The following CEP290 variants were observed in gnomAD, a reference collection of about 807,000 sequenced individuals.
The protein encoded by CEP290 is centrosomal protein of 290 kDa.
CEP290 carries 317 observed loss-of-function variants against 344.9 expected under a neutral mutation model. The observed-to-expected ratio is 0.92, with a 90% CI of 0.84 to 1.01. The LOEUF is 1.01. Among genes scored for constraint, CEP290 ranks in the 50% least tolerant of loss-of-function variants. The pLI is 0.00. For synonymous variants in CEP290, 932 were observed against 895.8 expected (o/e 1.04, Z -0.72); for missense variants, 2,754 against 2,761.4 (o/e 1.00, Z 0.06).
At chr12:88,051,067 G>A (rs1011950401) in intron 52 of CEP290, among the ~76,000 whole-genome samples, 3 of 151,900 alleles carry the variant, frequency 2.0e-5, no homozygotes, top group African/African-American at 7.3e-5. Context: ...ATCTTTGCTA[G>A]ATATCTCTTT....
At chr12:88,108,197 T>C (rs1333928391) in intron 23 of CEP290, among the ~76,000 whole-genome samples, 1 of 152,214 alleles carries the variant, frequency 6.6e-6, no homozygotes, top group Non-Finnish European at 1.5e-5. Flanking sequence ...GTAATGTTCT[T>C]GGCATAAACC....
chr12:88,126,945 T>G (rs1014163670), intron 11 of CEP290, among the ~76,000 whole-genome samples: 2 of 152,074 alleles, frequency 1.3e-5, no homozygotes, highest in African/African-American at 4.8e-5. Flanking sequence ...AGATATTTTT[T>G]AAGAACTGGA....
At chr12:88,091,154 T>C (rs547758961) in intron 29 of CEP290, among the ~76,000 whole-genome samples, 85 of 152,168 alleles carry the variant, frequency 5.6e-4, no homozygotes, top group Admixed American at 1.2e-3. Context: ...CTATATAGTA[T>C]TTTCCAAATG....
intron 26 of CEP290, among the ~76,000 whole-genome samples, chr12:88,101,165 A>G (rs952823946): frequency 1.3e-5 from 2 of 152,082 alleles, no homozygotes; most frequent in African/African-American, 4.8e-5. Context: ...CACTGCCAAT[A>G]GGGATAGGTA....
intron 37 of CEP290, among the ~76,000 whole-genome samples, chr12:88,080,865 ATTCT>A (rs1350683934): frequency 6.6e-6 from 1 of 152,184 alleles, no homozygotes; most frequent in Non-Finnish European, 1.5e-5. Context: ...AAGAAGAATA[ATTCT>A]TTATTTCATT....
chr12:88,129,600 C>T (rs1239998050), intron 10 of CEP290, 94 bp downstream of exon 10: 6 of 704,614 alleles, frequency 8.5e-6, no homozygotes, highest in Non-Finnish European at 1.3e-5. Context: ...GACAAAAATT[C>T]ACATCCTAGA....
chr12:88,094,064 T>A, intron 27 of CEP290, 89 bp from the exon 28 acceptor site: 1 of 1,003,510 alleles, frequency 1.0e-6, no homozygotes, highest in Non-Finnish European at 1.4e-6. Context: ...GAAAGCATTA[T>A]AGTTCCATGG....
Position 88,130,433 on chromosome 12 carries a change from A to G in CEP290, c.517-13T>C. 6.2e-7 allele frequency: 1 copy of G among 1,602,298 alleles called. No homozygotes were observed. Among genetic ancestry groups the G allele is most frequent in the Non-Finnish European group, 8.5e-7 (1 of 1,176,720 alleles). On this transcript the variant is annotated splice_polypyrimidine_tract_variant and intron_variant, in intron 8 of 53. Coordinates refer to ENST00000552810, the MANE Select transcript of CEP290 (RefSeq NM_025114.4). The stretch of plus-strand genomic sequence containing the variant: ...AAAGTTGTTCATTCTGAAGGTAACC[A>G]AACACAACATTCAATTACAAAACTA...
intron 25 of CEP290, among the ~76,000 whole-genome samples, chr12:88,104,583 C>A (rs764411371): frequency 6.6e-6 from 1 of 151,396 alleles, no homozygotes; most frequent in African/African-American, 2.4e-5. Context: ...GGAAAAAAAT[C>A]CCTAAAATAA....
chr12:88,094,057 A>G, intron 27 of CEP290, 82 bp from the exon 28 acceptor site: 1 of 1,064,006 alleles, frequency 9.4e-7, no homozygotes. Context: ...TATATTAGAA[A>G]GCATTATAGT....
intron 22 of CEP290, among the ~76,000 whole-genome samples, chr12:88,109,835 T>G (rs1301591013): frequency 6.6e-6 from 1 of 152,124 alleles, no homozygotes; most frequent in East Asian, 1.9e-4. Context: ...TATACAAAGA[T>G]TAAAAATCAT....
rs2038675864 is a variant in CEP290, at chr12:88,111,346, G to T, written c.2223C>A (p.Asp741Glu). The change falls in exon 22 of 54, where the codon GAC (aspartate) becomes GAA (glutamate). Residue 741 changes from aspartate (D) to glutamate (E), a missense_variant. By Grantham distance (45) the Asp-to-Glu change is conservative (BLOSUM62 2). Transcript: ENST00000552810. ...QQLAKANLKIDHLEKETSLLR... is the reference protein window; with the variant it reads ...QQLAKANLKIEHLEKETSLLR... ...AAAGACTAGTTTCTTTTTCAAGATG[G>T]TCTATCTGGAAAAAAAAATCCAGCA... The T allele has an allele frequency of 6.4e-7, 1 of 1,560,204 alleles. No homozygotes were observed. The highest frequency in any genetic ancestry group is 1.4e-5 in the African/African-American group (1 of 73,098).
In CEP290 at chr12:88,110,532, G is replaced by A. The variant is rs943587518; in HGVS notation, c.2367+670C>T. 1.3e-5 allele frequency among the ~76,000 whole-genome samples: 2 copies of A among 151,758 alleles called. 1 individual carries two copies. Among genetic ancestry groups the A allele is most frequent in the South Asian group, 4.2e-4 (2 of 4,812 alleles). On this transcript the variant is annotated intron_variant, in intron 22 of 53. Coordinates refer to ENST00000552810, the MANE Select transcript of CEP290 (RefSeq NM_025114.4). ...TTGAGACCAGCCTGGCCAATATGAC[G>A]ACACACCATCTCTACTAAAAAAAAA... is the stretch of plus-strand genomic sequence containing the variant.
At chr12:88,128,919 GTTA>G in intron 11 of CEP290, 24 bp downstream of exon 11, 4 of 1,364,070 alleles carry the variant, frequency 2.9e-6, no homozygotes, top group South Asian at 3.0e-5. Context: ...AAAAGAAAAA[GTTA>G]TTATGTCAAT....
At chr12:88,065,433 C>T (rs140617406) in intron 44 of CEP290, among the ~76,000 whole-genome samples, 23 of 152,238 alleles carry the variant, frequency 1.5e-4, no homozygotes, top group African/African-American at 4.1e-4. Context: ...CACAGGAATA[C>T]ATTTCCACTT....
chr12:88,050,899 C>T (rs1354307105), intron 52 of CEP290, among the ~76,000 whole-genome samples: 1 of 152,116 alleles, frequency 6.6e-6, no homozygotes, highest in Non-Finnish European at 1.5e-5. Context: ...GTCATGCAGG[C>T]TGTGTAATAC....
rs12099790 is a variant in CEP290 at position 88,063,058 on chromosome 12, C to A, written c.6271-280G>T. ...TGTCCCATATATTGCACATATAGAT[C>A]CTTACCCAAATATACACAGCAAAAG... is the stretch of plus-strand genomic sequence containing the variant. On this transcript the variant is annotated intron_variant, in intron 45 of 53. Coordinates refer to ENST00000552810, the MANE Select transcript of CEP290 (RefSeq NM_025114.4). Among the ~76,000 whole-genome samples the A allele has an allele frequency of 1.6e-3, 242 of 151,428 alleles. 3 individuals are homozygous for A. Among genetic ancestry groups the A allele is most frequent in the African/African-American group, 5.5e-3 (228 of 41,312 alleles).
intron 41 of CEP290, among the ~76,000 whole-genome samples, chr12:88,074,828 G>A (rs1017531449): frequency 6.6e-6 from 1 of 152,156 alleles, no homozygotes; most frequent in African/African-American, 2.4e-5. Context: ...CTGAACATGT[G>A]GAGGTTTCTA....
Position 88,106,828 on chromosome 12 carries a change from AACAGTAAT to A in CEP290, c.2656_2663del (p.Ile886PhefsTer5). ...TAAGTGATTTTTCATTCACTTGCAA[AACAGTAAT>A]TTTCCTACTATTTTCTGCAAGTATT... is the stretch of plus-strand genomic sequence containing the variant. On this transcript the variant is annotated frameshift_variant, in exon 25 of 54. Transcript: ENST00000552810. LOFTEE classifies it high-confidence loss of function. The A allele has an allele frequency of 6.2e-7, 1 of 1,608,726 alleles. No individual in the cohort carries two copies. The highest frequency in any genetic ancestry group is 8.5e-7 in the Non-Finnish European group (1 of 1,177,208).
Sources: gnomAD v4.1 joint callset for allele counts (sites outside exome capture counted in the v4.1 genomes callset) on GRCh38, gnomAD v4.1.1 for gene constraint, MANE v1.5 for transcripts, NCBI Gene and HGNC (gene_info 2026-07-23, HGNC 2026-07-21) for gene names.